The following PDE7B variants were observed in gnomAD, a reference collection of about 807,000 sequenced individuals.
The protein encoded by PDE7B is phosphodiesterase 7B, also known as 3',5'-cyclic-AMP phosphodiesterase 7B.
PDE7B carries 29 observed loss-of-function variants against 56.2 expected under a neutral mutation model. The ratio of observed to expected loss-of-function variants is 0.52; its 90% CI spans 0.38 to 0.70. The LOEUF (loss-of-function observed/expected upper bound fraction) is 0.70, where lower values mean the gene tolerates loss of function less well. Ranked by LOEUF, PDE7B falls within the 30% of genes least tolerant of loss-of-function variation. PDE7B has a pLI of 0.00. For synonymous variants in PDE7B, 197 were observed against 196.9 expected (o/e 1.00, Z 0.00); for missense variants, 490 against 565.0 (o/e 0.87, Z 1.35).
intron 2 of PDE7B, among the ~76,000 whole-genome samples, chr6:136,084,077 A>T (rs548602766): frequency 6.6e-6 from 1 of 152,236 alleles, no homozygotes; most frequent in African/African-American, 2.4e-5. Context: ...TCCTCTTTCA[A>T]CTAACTACCA....
At chr6:135,906,828 T>TTTTG (rs1776122838) in intron 1 of PDE7B, among the ~76,000 whole-genome samples, 1 of 143,934 alleles carries the variant, frequency 6.9e-6, no homozygotes. Context: ...TTTTTTTTTT[T>TTTTG]TTTTTTTTAA....
chr6:136,057,340 G>A (rs1776753765), intron 2 of PDE7B, among the ~76,000 whole-genome samples: 1 of 152,136 alleles, frequency 6.6e-6, no homozygotes, highest in East Asian at 1.9e-4. Context: ...CAGACTTTTG[G>A]CTTAATTATA....
At chr6:136,163,824 A>C (rs552515594) in intron 8 of PDE7B, among the ~76,000 whole-genome samples, 5 of 152,328 alleles carry the variant, frequency 3.3e-5, no homozygotes, top group Admixed American at 3.3e-4. Flanking sequence ...AGTCACTTTT[A>C]TTCCAGTTCC....
intron 10 of PDE7B, among the ~76,000 whole-genome samples, chr6:136,180,103 A>C (rs1011829562): frequency 2.0e-5 from 3 of 152,170 alleles, no homozygotes; most frequent in Non-Finnish European, 4.4e-5. Flanking sequence ...CTACACCTGG[A>C]GATTGAATGG....
chr6:135,894,670 C>G (rs990995575), intron 1 of PDE7B, among the ~76,000 whole-genome samples: 1 of 152,154 alleles, frequency 6.6e-6, no homozygotes, highest in African/African-American at 2.4e-5. Context: ...CACAATTAAC[C>G]TGTCCAAAGG....
At chr6:135,907,384 A>G (rs566854809) in intron 1 of PDE7B, among the ~76,000 whole-genome samples, 1 of 152,208 alleles carries the variant, frequency 6.6e-6, no homozygotes. Context: ...CTGGCACCCC[A>G]AAGAATTACA....
At chr6:136,061,396 GAATC>G (rs930570083) in intron 2 of PDE7B, among the ~76,000 whole-genome samples, 5 of 152,158 alleles carry the variant, frequency 3.3e-5, no homozygotes, top group African/African-American at 4.8e-5. Flanking sequence ...ACAAAGAAAA[GAATC>G]AAAGAAATTT....
At chr6:136,129,511 G>A (rs1003366865) in intron 3 of PDE7B, among the ~76,000 whole-genome samples, 4 of 152,140 alleles carry the variant, frequency 2.6e-5, no homozygotes, top group Non-Finnish European at 5.9e-5. Context: ...CTCCCCACCC[G>A]AAGGCCACTG....
intron 8 of PDE7B, among the ~76,000 whole-genome samples, chr6:136,171,316 AG>A (rs1449734563): frequency 1.3e-5 from 2 of 152,330 alleles, no homozygotes; most frequent in East Asian, 3.9e-4. Context: ...CTAAATGCCA[AG>A]GTGCTGGTCA....
At chr6:135,932,092 G>A (rs564869986) in intron 1 of PDE7B, among the ~76,000 whole-genome samples, 24 of 152,122 alleles carry the variant, frequency 1.6e-4, no homozygotes, top group African/African-American at 5.5e-4. Context: ...AGAAAAAAAT[G>A]TAAAGTAGAA....
chr6:136,051,582 A>C (rs1776629783), intron 2 of PDE7B, among the ~76,000 whole-genome samples: 1 of 152,222 alleles, frequency 6.6e-6, no homozygotes, highest in Non-Finnish European at 1.5e-5. Flanking sequence ...TCCCGTAACC[A>C]ATTCAGCTTG....
rs200577617 is a variant in PDE7B, at chr6:136,149,191, A to G, written c.382+41A>G. 9.3e-6 allele frequency: 12 copies of G among 1,287,138 alleles called. No homozygotes were observed. The South Asian group carries it at 1.4e-4, about 15-fold the overall frequency. The allele number at this position is 1,287,138 out of a possible 1,614,324, so 79.7% of individuals were successfully genotyped here. On this transcript the variant is annotated intron_variant, in intron 5 of 12. Coordinates refer to ENST00000308191, the MANE Select transcript of PDE7B (RefSeq NM_018945.4). ...GAATTCTCACTAAAATATACACCAT[A>G]AAGTGGGATTAATTTCATGAAAAAC...
intron 2 of PDE7B, chr6:136,046,411 T>C (rs1453045823): frequency 1.3e-5 from 2 of 152,200 alleles, no homozygotes; most frequent in African/African-American, 4.8e-5. Flanking sequence ...AACTTGTTAA[T>C]TAGCACCATG....
intron 1 of PDE7B, among the ~76,000 whole-genome samples, chr6:135,920,254 T>C (rs1397603456): frequency 6.6e-6 from 1 of 152,172 alleles, no homozygotes; most frequent in African/African-American, 2.4e-5. Context: ...CTTCATATCA[T>C]TTCCAATTAG....
At chr6:135,901,960 T>C (rs993305442) in intron 1 of PDE7B, among the ~76,000 whole-genome samples, 3 of 152,142 alleles carry the variant, frequency 2.0e-5, no homozygotes, top group African/African-American at 7.2e-5. Flanking sequence ...TTCCTGAATC[T>C]CTAAGTTTCA....
At chr6:135,912,103 C>T (rs1776222681) in intron 1 of PDE7B, among the ~76,000 whole-genome samples, 1 of 152,134 alleles carries the variant, frequency 6.6e-6, no homozygotes, top group African/African-American at 2.4e-5. Flanking sequence ...CTTTCCACCA[C>T]ACACACGTTA....
At chr6:135,884,154 A>G (rs945988975) in intron 1 of PDE7B, among the ~76,000 whole-genome samples, 2 of 152,220 alleles carry the variant, frequency 1.3e-5, no homozygotes, top group Non-Finnish European at 2.9e-5. Context: ...CATGTGGGAT[A>G]AATAAATATC....
At chr6:136,001,729 G>A (rs1775671286) in intron 2 of PDE7B, among the ~76,000 whole-genome samples, 2 of 152,204 alleles carry the variant, frequency 1.3e-5, no homozygotes, top group South Asian at 2.1e-4. Context: ...TCTGACTGGT[G>A]TACCTGAAAG....
intron 1 of PDE7B, among the ~76,000 whole-genome samples, chr6:135,932,388 A>G (rs535356801): frequency 6.6e-6 from 1 of 152,266 alleles, no homozygotes; most frequent in East Asian, 1.9e-4. Context: ...TTCACATGGC[A>G]TGCCGGTATC....
Sources: gnomAD v4.1 joint callset for allele counts (sites outside exome capture counted in the v4.1 genomes callset) on GRCh38, gnomAD v4.1.1 for gene constraint, MANE v1.5 for transcripts, NCBI Gene and HGNC (gene_info 2026-07-23, HGNC 2026-07-21) for gene names.